The following PLD5 variants were observed in gnomAD, a reference collection of about 807,000 sequenced individuals.
The protein encoded by PLD5 is phospholipase D family member 5, also known as inactive phospholipase D5.
A neutral mutation model predicts 61.1 loss-of-function variants in PLD5; 36 were observed. That is an observed-to-expected ratio of 0.59 (90% CI 0.45 to 0.78). The LOEUF (loss-of-function observed/expected upper bound fraction) is 0.78. Ranked by LOEUF, PLD5 falls within the 30% of genes least tolerant of loss-of-function variation. PLD5 has a pLI of 0.00. For synonymous variants in PLD5, 243 were observed against 242.8 expected, an observed-to-expected ratio of 1.00 and a Z score of -0.01; for missense variants, 515 against 644.4, an observed-to-expected ratio of 0.80 and a Z score of 2.17.
At chr1:242,242,770 G>T (rs750779065) in intron 4 of PLD5, among the ~76,000 whole-genome samples, 1 of 152,196 alleles carries the variant, frequency 6.6e-6, no homozygotes, top group Non-Finnish European at 1.5e-5. Context: ...TAATCATATT[G>T]CACATATACC....
intron 1 of PLD5, among the ~76,000 whole-genome samples, chr1:242,420,793 A>G (rs966695670): frequency 6.6e-6 from 1 of 152,210 alleles, no homozygotes; most frequent in Non-Finnish European, 1.5e-5. Flanking sequence ...TACATAGACC[A>G]TCAGAACTCT....
chr1:242,467,625 C>CA (rs1398735039), intron 1 of PLD5, among the ~76,000 whole-genome samples: 1 of 152,150 alleles, frequency 6.6e-6, no homozygotes, highest in East Asian at 1.9e-4. Context: ...GAAATATGAT[C>CA]TTCTTCATTA....
At chr1:242,458,759 G>T (rs919612059) in intron 1 of PLD5, among the ~76,000 whole-genome samples, 1 of 152,134 alleles carries the variant, frequency 6.6e-6, no homozygotes, top group Non-Finnish European at 1.5e-5. Flanking sequence ...TACTTGTATT[G>T]ACTCATCCTT....
intron 1 of PLD5, among the ~76,000 whole-genome samples, chr1:242,482,488 T>C (rs1462397129): frequency 1.3e-5 from 2 of 151,844 alleles, no homozygotes; most frequent in African/African-American, 4.8e-5. Flanking sequence ...TGAAATGAAG[T>C]GAGAAGAGAA....
At chr1:242,264,775 G>A (rs1161875574) in intron 4 of PLD5, among the ~76,000 whole-genome samples, 1 of 152,018 alleles carries the variant, frequency 6.6e-6, no homozygotes, top group Non-Finnish European at 1.5e-5. Flanking sequence ...GCTCAATTCG[G>A]TTGACATTAT....
In PLD5 at chr1:242,524,600, C is replaced by T; in HGVS notation, c.-324G>A. 4.3e-6 allele frequency: 1 copy of T among 235,168 alleles called. No individual in the cohort carries two copies. The highest frequency in any genetic ancestry group is 8.3e-5 in the East Asian group (1 of 12,072). 14.6% of individuals were successfully genotyped at this position (235,168 alleles called of 1,614,324 possible). ...GGGGACAGGGAGGGAAAGGAACCTG[C>T]TCCGGGGAGACAGAAGTGCCCGGTG... On this transcript the variant is annotated 5_prime_UTR_variant, in exon 1 of 10. Transcript: ENST00000536534.
At chr1:242,494,082 TGCC>T (rs1254653967) in intron 1 of PLD5, among the ~76,000 whole-genome samples, 18 of 61,876 alleles carry the variant, frequency 2.9e-4, no homozygotes, top group African/African-American at 4.9e-4. Flanking sequence ...TCCCCTCCCC[TGCC>T]CTCCCTTCCC....
intron 3 of PLD5, among the ~76,000 whole-genome samples, chr1:242,276,499 A>C (rs1271736310): frequency 6.8e-6 from 1 of 146,384 alleles, no homozygotes; most frequent in Non-Finnish European, 1.5e-5. Context: ...TGTTTATGAG[A>C]TAACACAGTG....
At position 242,183,621 on chromosome 1, in the gene PLD5, C is replaced by T. The variant is rs750672880; in HGVS notation, c.735+36367G>A. On this transcript the variant is annotated intron_variant, in intron 5 of 9. Transcript: ENST00000536534. ...AGCCAAAACAAACACCTAGGCCGGG[C>T]GCGGTGGCTCACGCCTGTAATCCCA... Among the ~76,000 whole-genome samples, 6 of 152,164 alleles carry T rather than the reference C, an allele frequency of 3.9e-5. No homozygotes were observed. The East Asian group carries it at 7.7e-4, about 20-fold the overall frequency.
In PLD5 at chr1:242,524,545, G is replaced by A. The variant is rs1669387953; in HGVS notation, c.-269C>T. 5.4e-6 allele frequency: 1 copy of A among 184,240 alleles called. No homozygotes were observed. Among genetic ancestry groups the A allele is most frequent in the South Asian group, 2.2e-4 (1 of 4,642 alleles). 11.4% of individuals were successfully genotyped at this position (184,240 alleles called of 1,614,324 possible). On this transcript the variant is annotated 5_prime_UTR_variant, in exon 1 of 10. Coordinates refer to ENST00000536534, the MANE Select transcript of PLD5 (RefSeq NM_001372062.1). ...GGGCGGGGGCGGGGGCGGGGGCGGA[G>A]GGGGACGGACGGGGAGAAGGGGGAC... is the stretch of plus-strand genomic sequence containing the variant.
chr1:242,088,444 G>A lies in PLD5; in HGVS notation c.*1410C>T, dbSNP rs1037088076. The A allele has an allele frequency of 6.6e-6, 1 of 152,190 alleles. No homozygotes were observed. Among genetic ancestry groups the A allele is most frequent in the Non-Finnish European group, 1.5e-5 (1 of 68,030 alleles). 9.4% of individuals were successfully genotyped at this position (152,190 alleles called of 1,614,324 possible). On this transcript the variant is annotated 3_prime_UTR_variant, in exon 10 of 10. Transcript: ENST00000536534. ...CAAGAAAAAGATTATATATTATAATGCTTAGCATTTATATAGGTTCTTTTG... is the reference window on the plus strand; with the variant it reads ...CAAGAAAAAGATTATATATTATAATACTTAGCATTTATATAGGTTCTTTTG...
intron 1 of PLD5, among the ~76,000 whole-genome samples, chr1:242,454,525 T>G (rs1666887833): frequency 6.6e-6 from 1 of 152,086 alleles, no homozygotes; most frequent in Non-Finnish European, 1.5e-5. Flanking sequence ...ACCATCACTT[T>G]CTAAAACCAC....
intron 2 of PLD5, among the ~76,000 whole-genome samples, chr1:242,333,773 T>A (rs893206573): frequency 2.0e-5 from 3 of 152,184 alleles, no homozygotes; most frequent in African/African-American, 2.4e-5. Flanking sequence ...GTGGTTGGCT[T>A]ATTTAACATA....
At chr1:242,373,588 G>A (rs1298249358) in intron 1 of PLD5, among the ~76,000 whole-genome samples, 2 of 152,096 alleles carry the variant, frequency 1.3e-5, no homozygotes, top group Non-Finnish European at 2.9e-5. Flanking sequence ...AAGAAAACGT[G>A]GCACATATAC....
chr1:242,491,427 G>A (rs942994254), intron 1 of PLD5, among the ~76,000 whole-genome samples: 17 of 152,176 alleles, frequency 1.1e-4, no homozygotes, highest in African/African-American at 3.6e-4. Flanking sequence ...TTACATAGAT[G>A]CCTTAGAAAA....
At chr1:242,194,361 A>C (rs1190946569) in intron 5 of PLD5, among the ~76,000 whole-genome samples, 1 of 152,188 alleles carries the variant, frequency 6.6e-6, no homozygotes, top group African/African-American at 2.4e-5. Flanking sequence ...AACAGTGTGG[A>C]GATTCCTTAA....
At chr1:242,392,366 C>T (rs760202397) in intron 1 of PLD5, among the ~76,000 whole-genome samples, 10 of 152,170 alleles carry the variant, frequency 6.6e-5, no homozygotes, top group Non-Finnish European at 1.2e-4. Context: ...TTACTCTATA[C>T]TCCCTGGTCA....
intron 1 of PLD5, among the ~76,000 whole-genome samples, chr1:242,413,578 G>A (rs1325919849): frequency 2.0e-5 from 3 of 152,276 alleles, no homozygotes; most frequent in East Asian, 1.9e-4. Flanking sequence ...ACTCACAAAC[G>A]ACTTCCAGTC....
At chr1:242,318,568 C>T (rs1417062259) in intron 2 of PLD5, among the ~76,000 whole-genome samples, 4 of 152,092 alleles carry the variant, frequency 2.6e-5, no homozygotes, top group East Asian at 1.9e-4. Flanking sequence ...TGAATCCCGA[C>T]GTGGGATGTG....
Sources: allele counts gnomAD v4.1 joint callset (sites outside exome capture counted in the v4.1 genomes callset), GRCh38; gene constraint gnomAD v4.1.1; transcripts MANE v1.5; gene names NCBI Gene and HGNC (gene_info 2026-07-23, HGNC 2026-07-21).